PCDH15: variants seen among roughly 807,000 people sequenced by gnomAD.
The protein encoded by PCDH15 is protocadherin-15.
PCDH15 carries 129 observed loss-of-function variants against 178.5 expected under a neutral mutation model. The ratio of observed to expected loss-of-function variants is 0.72; its 90% CI spans 0.63 to 0.84. The LOEUF is 0.84. Among genes scored for constraint, PCDH15 ranks in the 40% least tolerant of loss-of-function variants. The pLI, the probability that PCDH15 is intolerant of heterozygous loss-of-function variation, is 0.00. For synonymous variants in PCDH15, 800 were observed against 732.0 expected (o/e 1.09, Z -1.50); for missense variants, 2,230 against 2,099.9 (o/e 1.06, Z -1.21).
At chr10:55,052,309 C>T (rs915213043) in intron 2 of PCDH15, among the ~76,000 whole-genome samples, 15 of 98,760 alleles carry the variant, frequency 1.5e-4, no homozygotes, top group African/African-American at 5.8e-4. Flanking sequence ...CCAGGATGGT[C>T]GCGATCTCCT....
intron 1 of PCDH15, among the ~76,000 whole-genome samples, chr10:55,227,387 C>A (rs1022261189): frequency 1.3e-5 from 2 of 152,048 alleles, no homozygotes; most frequent in Non-Finnish European, 2.9e-5. Flanking sequence ...TAGGAACATA[C>A]CTCAATTAAG....
intron 3 of PCDH15, among the ~76,000 whole-genome samples, chr10:54,877,924 T>TTC (rs759282598): frequency 4.6e-5 from 2 of 43,300 alleles, no homozygotes; most frequent in African/African-American, 1.8e-4. Context: ...CTTATTCTCT[T>TTC]TCTCTCTCTC....
chr10:55,315,704 C>A (rs1843707416), intron 1 of PCDH15, among the ~76,000 whole-genome samples: 1 of 152,088 alleles, frequency 6.6e-6, no homozygotes, highest in Non-Finnish European at 1.5e-5. Flanking sequence ...GTAATGAAGT[C>A]TGCAAACTTT....
At chr10:53,979,642 A>C (rs2090463173) in intron 21 of PCDH15, among the ~76,000 whole-genome samples, 1 of 152,216 alleles carries the variant, frequency 6.6e-6, no homozygotes, top group African/African-American at 2.4e-5. Flanking sequence ...TTTTGTACTC[A>C]TGGGCCTCAC....
chr10:55,341,535 T>C (rs1003198502), intron 2 of PCDH15, among the ~76,000 whole-genome samples: 1 of 150,256 alleles, frequency 6.7e-6, no homozygotes, highest in African/African-American at 2.4e-5. Flanking sequence ...TCTTATGAGG[T>C]AGACACTATT....
chr10:53,876,066 G>A (rs116241210), intron 26 of PCDH15, among the ~76,000 whole-genome samples: 2,121 of 152,102 alleles, frequency 0.014, 57 homozygotes, highest in African/African-American at 0.048. Flanking sequence ...AGACTGTCTG[G>A]ATAAAAATAC....
chr10:55,310,120 C>T (rs950449524), intron 1 of PCDH15, among the ~76,000 whole-genome samples: 4 of 152,244 alleles, frequency 2.6e-5, no homozygotes, highest in South Asian at 4.1e-4. Flanking sequence ...CAAGCATGTT[C>T]TTCTCATCGT....
At chr10:55,437,422 C>A (rs1839067763) in intron 2 of PCDH15, among the ~76,000 whole-genome samples, 1 of 152,000 alleles carries the variant, frequency 6.6e-6, no homozygotes, top group Non-Finnish European at 1.5e-5. Context: ...AGAATAGTTA[C>A]AAGGAAGCTA....
chr10:55,245,468 A>G (rs887198229), intron 1 of PCDH15, among the ~76,000 whole-genome samples: 1 of 152,156 alleles, frequency 6.6e-6, no homozygotes, highest in African/African-American at 2.4e-5. Context: ...TTGTATGCTT[A>G]TTTCCATATT....
chr10:54,830,598 G>C (rs12764380), intron 3 of PCDH15, among the ~76,000 whole-genome samples: 60,924 of 151,204 alleles, frequency 0.4, 12,695 homozygotes, highest in East Asian at 0.59. Flanking sequence ...GTGGGGGTAG[G>C]GGGGAGGGAT....
At chr10:54,330,648 G>A (rs767380317) in intron 6 of PCDH15, among the ~76,000 whole-genome samples, 25 of 151,878 alleles carry the variant, frequency 1.6e-4, no homozygotes, top group Non-Finnish European at 3.4e-4. Flanking sequence ...GTCTAGGACT[G>A]AGTTTTTTCC....
chr10:53,963,130 A>T (rs1252009071), intron 21 of PCDH15, among the ~76,000 whole-genome samples: 3 of 152,172 alleles, frequency 2.0e-5, no homozygotes, highest in Non-Finnish European at 1.5e-5. Flanking sequence ...CTGTTCTGAG[A>T]ACATTGCTTT....
chr10:55,211,171 A>G (rs1318727934), intron 1 of PCDH15, among the ~76,000 whole-genome samples: 1 of 152,092 alleles, frequency 6.6e-6, no homozygotes, highest in African/African-American at 2.4e-5. Context: ...CAAAGGGGAA[A>G]GTGGGAGACA....
intron 3 of PCDH15, among the ~76,000 whole-genome samples, chr10:54,446,346 T>C (rs1418418993): frequency 6.6e-6 from 1 of 151,672 alleles, no homozygotes; most frequent in Admixed American, 6.6e-5. Flanking sequence ...TCTGAACTAC[T>C]TTCTGTTGTG....
At chr10:54,582,247 C>A (rs896878092) in intron 2 of PCDH15, among the ~76,000 whole-genome samples, 2 of 151,912 alleles carry the variant, frequency 1.3e-5, no homozygotes, top group East Asian at 1.9e-4. Context: ...AAAAAAATAA[C>A]CCTATTAAAA....
intron 37 of PCDH15, chr10:53,808,052 A>G (rs972934028): frequency 6.6e-6 from 1 of 151,012 alleles, no homozygotes; most frequent in Admixed American, 6.6e-5. Flanking sequence ...TATGCCTGTT[A>G]CATTTATTTT....
intron 1 of PCDH15, among the ~76,000 whole-genome samples, chr10:55,280,033 T>TA (rs1359750272): frequency 6.6e-6 from 1 of 152,108 alleles, no homozygotes; most frequent in African/African-American, 2.4e-5. Flanking sequence ...GATTTATTGC[T>TA]AGACATTTAT....
intron 3 of PCDH15, among the ~76,000 whole-genome samples, chr10:54,507,683 A>G (rs1396826954): frequency 1.3e-5 from 2 of 152,026 alleles, no homozygotes; most frequent in East Asian, 1.9e-4. Context: ...ACTGAAATAT[A>G]AAAAGGTAAG....
chr10:54,445,187 T>C (rs780799597), intron 3 of PCDH15, among the ~76,000 whole-genome samples: 5 of 151,426 alleles, frequency 3.3e-5, no homozygotes, highest in Non-Finnish European at 5.9e-5. Flanking sequence ...TTTTTTGCTT[T>C]TATTTTTTTC....
Sources: allele counts gnomAD v4.1 joint callset (sites outside exome capture counted in the v4.1 genomes callset), GRCh38; gene constraint gnomAD v4.1.1; transcripts MANE v1.5; gene names NCBI Gene and HGNC (gene_info 2026-07-23, HGNC 2026-07-21).